Variants in GULP1 observed in about 807,000 individuals in gnomAD.
GULP1 encodes the protein PTB domain-containing engulfment adapter protein 1.
GULP1 carries 19 observed loss-of-function variants against 40.9 expected under a neutral mutation model. The ratio of observed to expected loss-of-function variants is 0.46; its 90% confidence interval spans 0.32 to 0.68. The LOEUF (loss-of-function observed/expected upper bound fraction) is 0.68. Ranked by LOEUF, GULP1 falls within the 30% of genes least tolerant of loss-of-function variation. The pLI, the probability that GULP1 is intolerant of heterozygous loss-of-function variation, is 0.03. For synonymous variants in GULP1, 119 were observed against 117.6 expected, an observed-to-expected ratio of 1.01 and a Z score of -0.08; for missense variants, 312 against 362.2, an observed-to-expected ratio of 0.86 and a Z score of 1.12.
rs182806320 is a variant in GULP1 at position 188,486,440 on chromosome 2, T to C, written c.90+2948T>C. On this transcript the variant is annotated intron_variant, in intron 4 of 11. Transcript: ENST00000409830. ...AGATTCCTACTACTTCACTCACTTT[T>C]GGCATCCACTGGTTACAAATTAATC... 2.0e-4 allele frequency among the ~76,000 whole-genome samples: 30 copies of C among 152,138 alleles called. 1 individual carries two copies. Among genetic ancestry groups the C allele is most frequent in the African/African-American group, 7.0e-4 (29 of 41,556 alleles).
At chr2:188,427,130 G>A (rs1432853780) in intron 2 of GULP1, among the ~76,000 whole-genome samples, 1 of 152,190 alleles carries the variant, frequency 6.6e-6, no homozygotes, top group Non-Finnish European at 1.5e-5. Context: ...AAGGAGCAAA[G>A]TGTTCAAAAT....
intron 2 of GULP1, among the ~76,000 whole-genome samples, chr2:188,431,424 A>G (rs561470832): frequency 6.6e-6 from 1 of 152,288 alleles, no homozygotes; most frequent in African/African-American, 2.4e-5. Context: ...TGAAAGCAGC[A>G]GGGTATAGAA....
At chr2:188,556,095 G>A (rs532388207) in intron 7 of GULP1, among the ~76,000 whole-genome samples, 110 of 151,578 alleles carry the variant, frequency 7.3e-4, no homozygotes, top group African/African-American at 2.6e-3. Context: ...AAAAAAAGAA[G>A]GTTTTCATTG....
intron 2 of GULP1, among the ~76,000 whole-genome samples, chr2:188,439,123 A>G (rs1479335164): frequency 6.6e-6 from 1 of 152,144 alleles, no homozygotes; most frequent in Non-Finnish European, 1.5e-5. Flanking sequence ...TTGTTATTCA[A>G]TAAATGTTTA....
intron 2 of GULP1, among the ~76,000 whole-genome samples, chr2:188,420,070 G>C (rs2055173112): frequency 6.6e-6 from 1 of 152,034 alleles, no homozygotes; most frequent in South Asian, 2.1e-4. Context: ...TCTTTGCTCT[G>C]GCTCCATACT....
At chr2:188,325,471 G>T (rs984361166) in intron 1 of GULP1, among the ~76,000 whole-genome samples, 32 of 151,968 alleles carry the variant, frequency 2.1e-4, no homozygotes, top group Admixed American at 2.1e-3. Flanking sequence ...AAAAAGATAC[G>T]ATATTCGTGA....
At chr2:188,344,336 G>A (rs1266288031) in intron 1 of GULP1, among the ~76,000 whole-genome samples, 1 of 152,230 alleles carries the variant, frequency 6.6e-6, no homozygotes, top group East Asian at 1.9e-4. Flanking sequence ...ATGGGCACCA[G>A]TAGGTGTGGT....
chr2:188,558,401 C>T (rs1419657063), intron 7 of GULP1, among the ~76,000 whole-genome samples: 1 of 152,138 alleles, frequency 6.6e-6, no homozygotes, highest in Non-Finnish European at 1.5e-5. Context: ...CTTTTCGCCT[C>T]CTGCCATGAT....
At chr2:188,442,139 ATTG>A (rs2057992184) in intron 2 of GULP1, among the ~76,000 whole-genome samples, 1 of 152,252 alleles carries the variant, frequency 6.6e-6, no homozygotes, top group African/African-American at 2.4e-5. Context: ...AATTAAAACA[ATTG>A]TTGGTGACAT....
At chr2:188,373,098 ATT>A (rs1168498563) in intron 1 of GULP1, among the ~76,000 whole-genome samples, 1 of 134,754 alleles carries the variant, frequency 7.4e-6, no homozygotes, top group Non-Finnish European at 1.6e-5. Context: ...ATATATATAT[ATT>A]TATAATGCAT....
At chr2:188,499,135 G>GTGTATA (rs1491197735) in intron 4 of GULP1, among the ~76,000 whole-genome samples, 2 of 56,354 alleles carry the variant, frequency 3.5e-5, no homozygotes, top group African/African-American at 1.3e-4. Context: ...ATATGTGTGT[G>GTGTATA]TATATATATA....
chr2:188,340,862 A>G (rs1320699404), intron 1 of GULP1, among the ~76,000 whole-genome samples: 2 of 152,084 alleles, frequency 1.3e-5, no homozygotes, highest in Non-Finnish European at 2.9e-5. Context: ...CCCGTGAAGA[A>G]CAGTCATTTC....
At chr2:188,405,273 C>G (rs1012761898) in intron 2 of GULP1, among the ~76,000 whole-genome samples, 1 of 152,208 alleles carries the variant, frequency 6.6e-6, no homozygotes, top group Non-Finnish European at 1.5e-5. Flanking sequence ...CAGGCCTGCA[C>G]CCATGATCTC....
At chr2:188,352,616 T>TAACACACACACACACA (rs1553527007) in intron 1 of GULP1, among the ~76,000 whole-genome samples, 1 of 75,958 alleles carries the variant, frequency 1.3e-5, no homozygotes, top group African/African-American at 4.4e-5. Flanking sequence ...TCTCTCTCTC[T>TAACACACACACACACA]CTCACACACA....
chr2:188,419,792 C>T (rs569097681), intron 2 of GULP1, among the ~76,000 whole-genome samples: 2 of 152,138 alleles, frequency 1.3e-5, no homozygotes, highest in East Asian at 3.9e-4. Context: ...TGTAATGAAG[C>T]TTTTCTCTTA....
intron 2 of GULP1, among the ~76,000 whole-genome samples, chr2:188,395,118 G>C (rs2051054060): frequency 6.6e-6 from 1 of 152,140 alleles, no homozygotes; most frequent in Admixed American, 6.5e-5. Context: ...CCTTGACAGA[G>C]GCAGGTGGAG....
chr2:188,319,740 A>G (rs1037816369), intron 1 of GULP1, among the ~76,000 whole-genome samples: 26 of 152,238 alleles, frequency 1.7e-4, no homozygotes, highest in African/African-American at 6.0e-4. Context: ...GCATGACCCC[A>G]TATTGCATTT....
intron 6 of GULP1, among the ~76,000 whole-genome samples, chr2:188,534,372 A>G (rs1309658298): frequency 6.6e-6 from 1 of 152,166 alleles, no homozygotes; most frequent in Non-Finnish European, 1.5e-5. Flanking sequence ...ATTATCCTAA[A>G]TGATTTAATG....
chr2:188,541,152 A>G (rs563276829), intron 6 of GULP1, 29 bp from the exon 7 acceptor site: 1 of 1,595,096 alleles, frequency 6.3e-7, no homozygotes, highest in South Asian at 1.1e-5. Context: ...AATCCCATCA[A>G]CTATGTTTAT....
Sources: gnomAD v4.1 joint callset for allele counts (sites outside exome capture counted in the v4.1 genomes callset) on GRCh38, gnomAD v4.1.1 for gene constraint, MANE v1.5 for transcripts, NCBI Gene and HGNC (gene_info 2026-07-23, HGNC 2026-07-21) for gene names.